DGKD: variants seen among roughly 807,000 people sequenced by gnomAD.
DGKD encodes DAG kinase delta.
In DGKD, 68 loss-of-function variants were observed where a neutral mutation model predicts 154.4. The observed-to-expected ratio is 0.44, with a 90% CI of 0.36 to 0.54. DGKD has a LOEUF of 0.54. Among genes scored for constraint, DGKD ranks in the 20% least tolerant of loss-of-function variants. The pLI, the probability that DGKD is intolerant of heterozygous loss-of-function variation, is 0.00. For synonymous variants in DGKD, 693 were observed against 638.0 expected, an observed-to-expected ratio of 1.09 and a Z score of -1.30; for missense variants, 1,343 against 1,593.6, an observed-to-expected ratio of 0.84 and a Z score of 2.68.
intron 1 of DGKD, among the ~76,000 whole-genome samples, chr2:233,383,602 T>C (rs571379464): frequency 3.4e-4 from 52 of 152,368 alleles, no homozygotes; most frequent in African/African-American, 1.2e-3. Context: ...TTTGAAGTTC[T>C]TCTGCCTTTT....
At chr2:233,436,987 G>A (rs1250489858) in intron 7 of DGKD, among the ~76,000 whole-genome samples, 1 of 152,208 alleles carries the variant, frequency 6.6e-6, no homozygotes, top group African/African-American at 2.4e-5. Context: ...GCAGTCACTT[G>A]CCTAGCACAT....
Position 233,445,908 on chromosome 2 carries a change from G to A in DGKD, c.1334+146G>A, listed in dbSNP as rs2063054936. On this transcript the variant is annotated intron_variant, in intron 11 of 29. Transcript: ENST00000264057. The surrounding 1 kb of genome is among the most constrained non-coding windows in gnomAD (Gnocchi z 5.5). ...TTTGACCTGAGTATATATTCGGATAGTCTTTGATATTTGGTCAGATTATGA... is the reference window on the plus strand; with the variant it reads ...TTTGACCTGAGTATATATTCGGATAATCTTTGATATTTGGTCAGATTATGA... The A allele has an allele frequency of 9.5e-7, 1 of 1,053,726 alleles. No individual in the cohort carries two copies. Among genetic ancestry groups the A allele is most frequent in the Non-Finnish European group, 1.3e-6 (1 of 767,328 alleles). The allele number at this position is 1,053,726 out of a possible 1,614,324, so 65.3% of individuals were successfully genotyped here.
intron 3 of DGKD, among the ~76,000 whole-genome samples, chr2:233,396,273 T>G (rs1269774383): frequency 6.6e-6 from 1 of 152,220 alleles, no homozygotes; most frequent in African/African-American, 2.4e-5. Flanking sequence ...TCACTCCAGT[T>G]TGGGCTTTCC....
At position 233,470,256 on chromosome 2, in the gene DGKD, T is replaced by C. The variant is rs1053895; in HGVS notation, c.*796T>C. 104,871 of 152,328 alleles carry C rather than the reference T, an allele frequency of 0.69. 37,120 individuals carry two copies. Among genetic ancestry groups the C allele is most frequent in the African/African-American group, 0.87 (36,017 of 41,538 alleles). 9.4% of individuals were successfully genotyped at this position (152,328 alleles called of 1,614,324 possible). A position where few individuals can be genotyped will look rare whatever the true frequency, so the allele number is the denominator to read the frequency against. ...AGCTTGGGGTGTGAGTGAGACAGCTTGCCAGCTGCATCCCTGCAGACAGAG... is the reference window on the plus strand; with the variant it reads ...AGCTTGGGGTGTGAGTGAGACAGCTCGCCAGCTGCATCCCTGCAGACAGAG... On this transcript the variant is annotated 3_prime_UTR_variant, in exon 30 of 30. Transcript: ENST00000264057.
chr2:233,356,680 T>TA (rs1415629936), intron 1 of DGKD, among the ~76,000 whole-genome samples: 2 of 152,286 alleles, frequency 1.3e-5, no homozygotes, highest in Non-Finnish European at 2.9e-5. Context: ...GGTAGACTGT[T>TA]AAAAATACAC....
intron 1 of DGKD, among the ~76,000 whole-genome samples, chr2:233,364,437 T>C (rs1701929610): frequency 6.6e-6 from 1 of 152,228 alleles, no homozygotes; most frequent in Admixed American, 6.5e-5. Flanking sequence ...ATAAAAATTA[T>C]GCCTTTGGGT....
rs1437521479 is a variant in DGKD at position 233,470,672 on chromosome 2, G to A, written c.*1212G>A. The A allele has an allele frequency of 6.6e-6, 1 of 152,338 alleles. No individual in the cohort carries two copies. Among genetic ancestry groups the A allele is most frequent in the Non-Finnish European group, 1.5e-5 (1 of 68,076 alleles). 9.4% of individuals were successfully genotyped at this position (152,338 alleles called of 1,614,324 possible). On this transcript the variant is annotated 3_prime_UTR_variant, in exon 30 of 30. Transcript: ENST00000264057. ...GATGCCCCTGGTCCTCCAGGGCACT[G>A]ACTTTGCCCTTTTTTCCCGTTGATA...
At chr2:233,377,192 C>G (rs1255909502) in intron 1 of DGKD, among the ~76,000 whole-genome samples, 1 of 150,088 alleles carries the variant, frequency 6.7e-6, no homozygotes, top group Non-Finnish European at 1.5e-5. Context: ...AAACGATTCT[C>G]TTGCTTCAGC....
chr2:233,416,669 C>T (rs2061968573), intron 3 of DGKD, among the ~76,000 whole-genome samples: 1 of 152,188 alleles, frequency 6.6e-6, no homozygotes, highest in African/African-American at 2.4e-5. Context: ...CTTAAGAATG[C>T]CAAAGCATTC....
At chr2:233,397,823 C>G (rs1575041531) in intron 3 of DGKD, among the ~76,000 whole-genome samples, 1 of 151,248 alleles carries the variant, frequency 6.6e-6, no homozygotes, top group Non-Finnish European at 1.5e-5. Flanking sequence ...AGTGGGCAGG[C>G]TAGTGATCAG....
chr2:233,363,452 AAATT>A (rs1197246744), intron 1 of DGKD, among the ~76,000 whole-genome samples: 1 of 152,132 alleles, frequency 6.6e-6, no homozygotes, highest in Non-Finnish European at 1.5e-5. Context: ...AAAGAGTAAA[AAATT>A]AAATTAAAAG....
rs1195564421 is a variant in DGKD, at chr2:233,423,012, A to C, written c.349-11368A>C. On this transcript the variant is annotated intron_variant, in intron 3 of 29. Transcript: ENST00000264057. The stretch of plus-strand genomic sequence containing the variant: ...AGATGTGATATAAATGGAATCTTAT[A>C]GTATGTAACCTTTGGGGTTGGATTT... Among the ~76,000 whole-genome samples the C allele has an allele frequency of 5.9e-5, 9 of 152,206 alleles. No homozygotes were observed. The East Asian group carries it at 1.3e-3, about 23-fold the overall frequency.
intron 1 of DGKD, among the ~76,000 whole-genome samples, chr2:233,369,748 C>T (rs1319546068): frequency 6.6e-6 from 1 of 152,144 alleles, no homozygotes; most frequent in Non-Finnish European, 1.5e-5. Flanking sequence ...CTGCTCTGGG[C>T]GGGCTCTCCC....
chr2:233,387,118 G>C (rs1224336869), intron 1 of DGKD, among the ~76,000 whole-genome samples: 2 of 152,264 alleles, frequency 1.3e-5, no homozygotes, highest in African/African-American at 4.8e-5. Context: ...TCTGGCATAG[G>C]TGGGGGACAT....
intron 1 of DGKD, among the ~76,000 whole-genome samples, chr2:233,376,666 C>T (rs1425276519): frequency 6.6e-6 from 1 of 152,098 alleles, no homozygotes; most frequent in Non-Finnish European, 1.5e-5. Flanking sequence ...AACCATCATT[C>T]TCAGCAAACT....
Position 233,428,622 on chromosome 2 carries a change from G to GC in DGKD, c.349-5758_349-5757insC, listed in dbSNP as rs2062396673. On this transcript the variant is annotated intron_variant, in intron 3 of 29. Coordinates refer to ENST00000264057, the MANE Select transcript of DGKD (RefSeq NM_152879.3). ...AGATGGGGCAGTGGAGGCACAGGGC[G>GC]GAGAAGCACCTGCTCTAAGTTACAC... 3.3e-5 allele frequency among the ~76,000 whole-genome samples: 5 copies of GC among 152,180 alleles called. No individual in the cohort carries two copies. The South Asian group carries it at 8.3e-4, about 25-fold the overall frequency.
chr2:233,429,433 G>C, intron 3 of DGKD: 1 of 640,006 alleles, frequency 1.6e-6, no homozygotes, highest in Non-Finnish European at 1.9e-6. Flanking sequence ...CCGATGACAT[G>C]CACCCACTCG....
chr2:233,434,462 T>C lies in DGKD; in HGVS notation c.431T>C (p.Val144Ala). The C allele has an allele frequency of 6.2e-7, 1 of 1,614,152 alleles. No homozygotes were observed. The highest frequency in any genetic ancestry group is 1.1e-5 in the South Asian group (1 of 91,080). ...GATTGGATTGCAGCATTAAAGACTG[T>C]GCAGAACAGGGAGCACTTTGAGGTT... Reference protein sequence around the residue: ...MEDWIAALKTVQNREHFEPTQ... With the variant: ...MEDWIAALKTAQNREHFEPTQ... Residue 144 changes from valine (V) to alanine (A), a missense_variant, in exon 4 of 30, where the codon GTG (valine) becomes GCG (alanine). Physicochemically the swap from Val to Ala is moderately conservative, Grantham distance 64 (BLOSUM62 0). Around this residue, in one of 6 missense-constraint regions of DGKD, gnomAD observed 332 missense variants for 400.1 expected, o/e 0.83. Transcript: ENST00000264057.
At chr2:233,454,903 CT>C (rs1202240154) in intron 19 of DGKD, 30 bp downstream of exon 19, 1 of 1,396,684 alleles carries the variant, frequency 7.2e-7, no homozygotes, top group Admixed American at 1.7e-5. Context: ...GCACGTCTGT[CT>C]TTTGCGTCTT....
Sources: gnomAD v4.1 joint callset for allele counts (sites outside exome capture counted in the v4.1 genomes callset) on GRCh38, gnomAD v4.1.1 for gene constraint, gnomAD v4.1.1 regional missense constraint, Gnocchi (gnomAD v3.1) non-coding constraint, MANE v1.5 for transcripts, NCBI Gene and HGNC (gene_info 2026-07-23, HGNC 2026-07-21) for gene names.